The following ZNF780B variants were observed in gnomAD, a reference collection of about 807,000 sequenced individuals.
The protein encoded by ZNF780B is zinc finger protein 780B.
A neutral mutation model predicts 74.1 loss-of-function variants in ZNF780B; 52 were observed. That is an observed-to-expected ratio of 0.70 (90% CI 0.56 to 0.88). The LOEUF (loss-of-function observed/expected upper bound fraction) is 0.88, where lower values mean the gene tolerates loss of function less well. Ranked by LOEUF, ZNF780B falls within the 40% of genes least tolerant of loss-of-function variation. The probability of loss-of-function intolerance (pLI) is 0.00; values close to 1 mark genes in which losing one functional copy is unlikely to be tolerated. For synonymous variants in ZNF780B, 315 were observed against 324.3 expected, an observed-to-expected ratio of 0.97 and a Z score of 0.31; for missense variants, 953 against 1,007.6, an observed-to-expected ratio of 0.95 and a Z score of 0.73.
chr19:40,045,849 G>C (rs191627749), intron 4 of ZNF780B, among the ~76,000 whole-genome samples: 1 of 152,104 alleles, frequency 6.6e-6, no homozygotes, highest in East Asian at 1.9e-4. Flanking sequence ...TTAGCCAGGC[G>C]TGGTGGCAGG....
chr19:40,034,279 G>A lies in ZNF780B; in HGVS notation c.*78C>T, dbSNP rs760233428. The A allele has an allele frequency of 1.8e-4, 225 of 1,248,354 alleles. No homozygotes were observed. Among genetic ancestry groups the A allele is most frequent in the East Asian group, 2.8e-4 (12 of 42,304 alleles). 77.3% of individuals were successfully genotyped at this position (1,248,354 alleles called of 1,614,324 possible). A position where few individuals can be genotyped will look rare whatever the true frequency, so the allele number is the denominator to read the frequency against. On this transcript the variant is annotated 3_prime_UTR_variant, in exon 5 of 5. Coordinates refer to ENST00000434248, the MANE Select transcript of ZNF780B (RefSeq NM_001005851.3). Reference sequence around the variant, plus strand: ...CCTTGACATTCATAAGGGTTCTCACGAATATGAAATCTATAATGTCCATGA... The same window carrying A: ...CCTTGACATTCATAAGGGTTCTCACAAATATGAAATCTATAATGTCCATGA...
rs763959318 is a variant in ZNF780B, at chr19:40,034,511, C to G, written c.2348G>C (p.Cys783Ser). The change falls in exon 5 of 5, where the codon TGT becomes TCT. Residue 783 changes from cysteine (C) to serine (S), a missense_variant. Transcript: ENST00000434248. ...SIHTGEKPYECKECGKAFRLH... is the reference protein window; with the variant it reads ...SIHTGEKPYESKECGKAFRLH... ...TCTAAAAGCCTTCCCACACTCCTTA[C>G]ATTCATAGGGTTTCTCACCAGTATG... The G allele has an allele frequency of 1.9e-6, 3 of 1,613,910 alleles. No individual in the cohort carries two copies. The highest frequency in any genetic ancestry group is 2.5e-6 in the Non-Finnish European group (3 of 1,179,956).
chr19:40,033,117 A>C lies in ZNF780B; in HGVS notation c.*1240T>G, dbSNP rs1972068979. 6.6e-6 allele frequency: 1 copy of C among 150,494 alleles called. No homozygotes were observed. The highest frequency in any genetic ancestry group is 6.6e-5 in the Admixed American group (1 of 15,198). 9.3% of individuals were successfully genotyped at this position (150,494 alleles called of 1,614,324 possible). A position where few individuals can be genotyped will look rare whatever the true frequency, so the allele number is the denominator to read the frequency against. ...TGGGCAGGATTTGTGGTATCCCCAA[A>C]CAATTACACTAGTAACAATTACACT... On this transcript the variant is annotated 3_prime_UTR_variant, in exon 5 of 5. Transcript: ENST00000434248.
Position 40,047,436 on chromosome 19 carries a change from T to A in ZNF780B, c.171A>T (p.Leu57Phe), listed in dbSNP as rs765960424. ...SSISKPDVIT[L>F]LEQEKEPWIV... ...TCCAGGGCTCTTTCTCTTGCTCTAGTAATGTAATCACATCTGGCTTAGAAA... is the reference window on the plus strand; with the variant it reads ...TCCAGGGCTCTTTCTCTTGCTCTAGAAATGTAATCACATCTGGCTTAGAAA... The change falls in exon 4 of 5, where the codon TTA (leucine) becomes TTT (phenylalanine). Residue 57 changes from leucine to phenylalanine, a missense_variant. Leu to Phe is a conservative substitution (Grantham distance 22). Transcript: ENST00000434248. 1 of 1,613,864 alleles carries A rather than the reference T, an allele frequency of 6.2e-7. No individual in the cohort carries two copies. The highest frequency in any genetic ancestry group is 8.5e-7 in the Non-Finnish European group (1 of 1,179,872).
In ZNF780B at chr19:40,034,627, C is replaced by G; in HGVS notation, c.2232G>C (p.Gln744His). 6.2e-7 allele frequency: 1 copy of G among 1,613,976 alleles called. No homozygotes were observed. The highest frequency in any genetic ancestry group is 8.5e-7 in the Non-Finnish European group (1 of 1,179,984). ...ATGGCTTCTCACCAGTATGAATGAT[C>G]TGATGTTGAGCAAGCTGTGTCAGAA... ...FGLLTQLAQH[Q>H]IIHTGEKPFK... The change falls in exon 5 of 5, where the codon CAG (glutamine) becomes CAC (histidine). Residue 744 changes from glutamine (Q) to histidine (H), a missense_variant. By Grantham distance (24) the Gln-to-His change is conservative (BLOSUM62 0). Transcript: ENST00000434248.
intron 4 of ZNF780B, among the ~76,000 whole-genome samples, chr19:40,040,845 T>A (rs1360080260): frequency 6.6e-6 from 1 of 152,226 alleles, no homozygotes; most frequent in Non-Finnish European, 1.5e-5. Flanking sequence ...ATTTTGTTGA[T>A]CTTTTCAAAA....
chr19:40,036,357 T>C lies in ZNF780B; in HGVS notation c.502A>G (p.Lys168Glu), dbSNP rs775400349. ...CAACTAAAGTATTTCCCACATTCCTTACATTCATATGGTTTATGTGTATTA... is the reference window on the plus strand; with the variant it reads ...CAACTAAAGTATTTCCCACATTCCTCACATTCATATGGTTTATGTGTATTA... ...IHNTHKPYEC[K>E]ECGKYFSCGS... is the part of the protein sequence containing the mutation. Residue 168 changes from lysine (K) to glutamate (E), a missense_variant, in exon 5 of 5, where the codon AAG (lysine) becomes GAG (glutamate). Transcript: ENST00000434248. 7.4e-6 allele frequency: 12 copies of C among 1,613,592 alleles called. No homozygotes were observed. The highest frequency in any genetic ancestry group is 1.0e-5 in the Non-Finnish European group (12 of 1,179,888).
rs141615707 is a variant in ZNF780B at position 40,050,192 on chromosome 19, G to A, written c.9+132C>T. Reference sequence around the variant, plus strand: ...AGCCTGGGTGACAGAGCAAGACTCCGTCTCAAAAAAAAAAAAAAAAAAAAA... The same window carrying A: ...AGCCTGGGTGACAGAGCAAGACTCCATCTCAAAAAAAAAAAAAAAAAAAAA... On this transcript the variant is annotated intron_variant, in intron 2 of 4. Transcript: ENST00000434248. The A allele has an allele frequency of 6.1e-4, 486 of 803,004 alleles. 2 individuals carry two copies. The African/African-American group carries it at 0.012, about 20-fold the overall frequency. 49.7% of individuals were successfully genotyped at this position (803,004 alleles called of 1,614,324 possible). A position where few individuals can be genotyped will look rare whatever the true frequency, so the allele number is the denominator to read the frequency against.
Position 40,035,529 on chromosome 19 carries a change from G to A in ZNF780B, c.1330C>T (p.Pro444Ser). The change falls in exon 5 of 5, where the codon CCC (proline) becomes TCC (serine). Residue 444 changes from proline (P) to serine (S), a missense_variant. Coordinates refer to ENST00000434248, the MANE Select transcript of ZNF780B (RefSeq NM_001005851.3). The stretch of plus-strand genomic sequence containing the variant: ...ATCTCACATTCCCTACATACAAAGG[G>A]TTTCTCATTGGAATGAATTTTTTGA... The part of the protein sequence containing the change: ...QHQKIHSNEK[P>S]FVCRECEMAF... 1 of 1,613,678 alleles carries A rather than the reference G, an allele frequency of 6.2e-7. No homozygotes were observed. The highest frequency in any genetic ancestry group is 1.1e-5 in the South Asian group (1 of 91,058).
intron 1 of ZNF780B, among the ~76,000 whole-genome samples, chr19:40,053,647 T>C (rs968361161): frequency 6.6e-6 from 1 of 152,106 alleles, no homozygotes; most frequent in African/African-American, 2.4e-5. Flanking sequence ...AGCCAAGATA[T>C]GGAATCAATC....
intron 4 of ZNF780B, among the ~76,000 whole-genome samples, chr19:40,042,368 C>T (rs1256141920): frequency 1.3e-5 from 2 of 152,140 alleles, no homozygotes; most frequent in African/African-American, 4.8e-5. Context: ...GTGAATCTGA[C>T]AATTATGTGT....
Position 40,036,098 on chromosome 19 carries a change from C to T in ZNF780B, c.761G>A (p.Cys254Tyr). The change falls in exon 5 of 5, where the codon TGT becomes TAT. Residue 254 changes from cysteine (C) to tyrosine (Y), a missense_variant. Coordinates refer to ENST00000434248, the MANE Select transcript of ZNF780B (RefSeq NM_001005851.3). Reference protein sequence around the residue: ...TVKKLFECKECGKSFNRSSNL... With the variant: ...TVKKLFECKEYGKSFNRSSNL... ...TGAGCTACGATTAAAAGACTTCCCA[C>T]ATTCCTTACATTCAAACAGTTTCTT... The T allele has an allele frequency of 6.2e-7, 1 of 1,613,286 alleles. No homozygotes were observed. The highest frequency in any genetic ancestry group is 1.1e-5 in the South Asian group (1 of 90,898).
In ZNF780B at chr19:40,047,515, A is replaced by T. The variant is rs530912687; in HGVS notation, c.137-45T>A. ...CATGTAGAATTTTTTTAATATAAAA[A>T]TTTTTTTTAAACCCTGAGACCTAGT... On this transcript the variant is annotated intron_variant, in intron 3 of 4. Transcript: ENST00000434248. The T allele has an allele frequency of 6.8e-4, 976 of 1,434,814 alleles. 3 individuals are homozygous for T. The highest frequency in any genetic ancestry group is 2.1e-3 in the Middle Eastern group (10 of 4,812). 88.9% of individuals were successfully genotyped at this position (1,434,814 alleles called of 1,614,324 possible). A position where few individuals can be genotyped will look rare whatever the true frequency, so the allele number is the denominator to read the frequency against.
In ZNF780B at chr19:40,033,929, T is replaced by C. The variant is rs1972107511; in HGVS notation, c.*428A>G. The C allele has an allele frequency of 4.9e-6, 1 of 202,904 alleles. No homozygotes were observed. Among genetic ancestry groups the C allele is most frequent in the Non-Finnish European group, 1.0e-5 (1 of 96,896 alleles). 12.6% of individuals were successfully genotyped at this position (202,904 alleles called of 1,614,324 possible). On this transcript the variant is annotated 3_prime_UTR_variant, in exon 5 of 5. Transcript: ENST00000434248. ...TAAAGGTCTTTCCACATTCTTTACA[T>C]TCATACGGTTCATACCAGTATGAAT...
At chr19:40,040,930 A>G (rs1972604194) in intron 4 of ZNF780B, among the ~76,000 whole-genome samples, 1 of 151,912 alleles carries the variant, frequency 6.6e-6, no homozygotes, top group African/African-American at 2.4e-5. Context: ...CTCTGATTTT[A>G]GTTATTTCTT....
rs1972212068 is a variant in ZNF780B at position 40,035,248 on chromosome 19, A to C, written c.1611T>G (p.Ala537=). 6.2e-7 allele frequency: 1 copy of C among 1,609,840 alleles called. No homozygotes were observed. The highest frequency in any genetic ancestry group is 8.5e-7 in the Non-Finnish European group (1 of 1,178,532). The change falls in exon 5 of 5, where the codon GCT becomes GCG. Residue 537 remains alanine (A), a synonymous_variant. Transcript: ENST00000434248. ...GAGAAAGTTGTAGGTGAAGTCTAAA[A>C]GCCTTCCCACACTCCTTACATTCAT... The part of the protein sequence containing the change: ...KPYECKECGK[A]FRLHLQLSQH...
chr19:40,032,905 A>C lies in ZNF780B; in HGVS notation c.*1452T>G, dbSNP rs947409129. 1.3e-5 allele frequency: 2 copies of C among 152,980 alleles called. No homozygotes were observed. The highest frequency in any genetic ancestry group is 1.3e-4 in the Admixed American group (2 of 15,272). 9.5% of individuals were successfully genotyped at this position (152,980 alleles called of 1,614,324 possible). A position where few individuals can be genotyped will look rare whatever the true frequency, so the allele number is the denominator to read the frequency against. On this transcript the variant is annotated 3_prime_UTR_variant, in exon 5 of 5. Transcript: ENST00000434248. ...ACACATGCTGATGTAACAAGGAGTAAAGTGTCATGATATCTAAAACTTATT... is the reference window on the plus strand; with the variant it reads ...ACACATGCTGATGTAACAAGGAGTACAGTGTCATGATATCTAAAACTTATT...
chr19:40,038,183 T>C (rs1430937038), intron 4 of ZNF780B, among the ~76,000 whole-genome samples: 132 of 152,054 alleles, frequency 8.7e-4, no homozygotes, highest in Middle Eastern at 3.4e-3. Flanking sequence ...TTTGTCCTTG[T>C]GATAGTTTGC....
At chr19:40,044,839 C>A (rs1158673857) in intron 4 of ZNF780B, among the ~76,000 whole-genome samples, 1 of 152,046 alleles carries the variant, frequency 6.6e-6, no homozygotes, top group African/African-American at 2.4e-5. Context: ...AAGAATCAGC[C>A]CTCACATATC....
Sources: allele counts gnomAD v4.1 joint callset (sites outside exome capture counted in the v4.1 genomes callset), GRCh38; gene constraint gnomAD v4.1.1; transcripts MANE v1.5; gene names NCBI Gene and HGNC (gene_info 2026-07-23, HGNC 2026-07-21).